Variants in OTC observed in about 807,000 individuals in gnomAD.
OTC encodes the protein ornithine transcarbamylase, mitochondrial.
In OTC, 3 loss-of-function variants were observed where a neutral mutation model predicts 30.3. The observed-to-expected ratio is 0.10, with a 90% CI of 0.05 to 0.26. OTC has a LOEUF of 0.26. OTC is among the 10% of genes least tolerant of loss of function. The probability of loss-of-function intolerance (pLI) is 1.00; values close to 1 mark genes in which losing one functional copy is unlikely to be tolerated. For synonymous variants in OTC, 111 were observed against 99.7 expected (o/e 1.11, Z -0.67); for missense variants, 194 against 260.3 (o/e 0.75, Z 1.75).
At chrX:38,347,381 C>T in the OTC span, among the ~76,000 whole-genome samples, 1 of 111,738 alleles carries the variant, frequency 8.9e-6, no homozygotes, top group Non-Finnish European at 1.9e-5. Context: ...AGGCTACTTC[C>T]TCTCATTGTC....
At position 38,358,766 on chromosome X, in the gene OTC, C is replaced by T. The variant is rs142836372; in HGVS notation, c.77+5993C>T. 4.3e-4 allele frequency among the ~76,000 whole-genome samples: 47 copies of T among 108,930 alleles called. No homozygotes were observed. In the East Asian group the frequency reaches 0.012, roughly 29 times the overall value. 94.6% of individuals were successfully genotyped at this position (108,930 alleles called of 115,157 possible). On this transcript the variant is annotated intron_variant, in intron 1 of 9. Coordinates refer to ENST00000039007, the MANE Select transcript of OTC (RefSeq NM_000531.6). ...CCTCCCGAGTAGCTGGGATTACAGA[C>T]GTCTGCCACCATGCCCAGCTAATTT...
chrX:38,391,916 T>G (rs1465096979), intron 4 of OTC, among the ~76,000 whole-genome samples: 1 of 111,584 alleles, frequency 9.0e-6, no homozygotes, highest in East Asian at 2.8e-4. Flanking sequence ...TAGAATATAC[T>G]AAAGAAGATT....
At chrX:38,385,121 T>C (rs1407623146) in intron 4 of OTC, among the ~76,000 whole-genome samples, 1 of 110,555 alleles carries the variant, frequency 9.0e-6, no homozygotes, top group Non-Finnish European at 1.9e-5. Flanking sequence ...AATACAAAAA[T>C]TAGCTGGGTG....
At chrX:38,383,254 C>G (rs145268744) in intron 4 of OTC, among the ~76,000 whole-genome samples, 283 of 111,754 alleles carry the variant, frequency 2.5e-3, no homozygotes, top group African/African-American at 8.6e-3. Context: ...AATAGCTACT[C>G]CTTAAAGATT....
At chrX:38,378,475 A>G (rs1409750193) in intron 3 of OTC, among the ~76,000 whole-genome samples, 1 of 110,764 alleles carries the variant, frequency 9.0e-6, no homozygotes, top group Non-Finnish European at 1.9e-5. Context: ...ATGTAATGAT[A>G]AAGGGGCCAA....
At chrX:38,374,765 G>T (rs185768355) in intron 3 of OTC, among the ~76,000 whole-genome samples, 1 of 111,935 alleles carries the variant, frequency 8.9e-6, no homozygotes, top group East Asian at 2.8e-4. Context: ...TTCATCCATA[G>T]TCCTCAACCC....
At chrX:38,330,703 GCCT>G in the OTC span, among the ~76,000 whole-genome samples, 1 of 111,829 alleles carries the variant, frequency 8.9e-6, no homozygotes, top group Non-Finnish European at 1.9e-5. Flanking sequence ...GGATGCTCTT[GCCT>G]CCTCCAAAGA....
In OTC at chrX:38,412,010, A is replaced by T. The variant is rs375524303; in HGVS notation, c.1005+11A>T. The T allele has an allele frequency of 6.3e-5, 76 of 1,207,023 alleles. No homozygotes were observed. The highest frequency in any genetic ancestry group is 8.4e-5 in the Non-Finnish European group (75 of 892,462). On this transcript the variant is annotated intron_variant, in intron 9 of 9. Coordinates refer to ENST00000039007, the MANE Select transcript of OTC (RefSeq NM_000531.6). ...AAGTGGACAATCATGGTAAGCAAGA[A>T]ACAAGGAATGGAGGATAAGTTCTTT...
chrX:38,345,218 C>T, the OTC span, among the ~76,000 whole-genome samples: 39 of 111,816 alleles, frequency 3.5e-4, no homozygotes, highest in Non-Finnish European at 5.1e-4. Context: ...CTAACTTAAC[C>T]GAATCCATCT....
intron 4 of OTC, among the ~76,000 whole-genome samples, chrX:38,399,533 G>A (rs898805269): frequency 7.2e-5 from 8 of 110,848 alleles, no homozygotes; most frequent in African/African-American, 2.0e-4. Flanking sequence ...CGGATCACCT[G>A]AGGTCAGGAG....
chrX:38,344,162 A>C, the OTC span, among the ~76,000 whole-genome samples: 160 of 109,984 alleles, frequency 1.5e-3, no homozygotes, highest in Non-Finnish European at 2.1e-3. Context: ...ACAAACAAAC[A>C]AAAAACATAA....
chrX:38,351,015 T>C (rs866856872), upstream of OTC, among the ~76,000 whole-genome samples: 2 of 112,061 alleles, frequency 1.8e-5, no homozygotes, highest in Non-Finnish European at 3.8e-5. Flanking sequence ...TGTTTGCCTC[T>C]TCAAAGATGC....
At chrX:38,417,428 G>A (rs989179176) in intron 9 of OTC, among the ~76,000 whole-genome samples, 17 of 111,217 alleles carry the variant, frequency 1.5e-4, no homozygotes, top group Non-Finnish European at 3.2e-4. Context: ...AAGGTTATGA[G>A]GATTCAATGA....
chrX:38,368,614 T>G (rs762075319), intron 2 of OTC, among the ~76,000 whole-genome samples: 7 of 106,347 alleles, frequency 6.6e-5, no homozygotes, highest in Non-Finnish European at 1.2e-4. Flanking sequence ...GTAGCTTCAT[T>G]TGGACTGCTT....
intron 6 of OTC, among the ~76,000 whole-genome samples, chrX:38,408,172 A>G (rs765594462): frequency 2.7e-5 from 3 of 112,381 alleles, no homozygotes; most frequent in South Asian, 3.7e-4. Context: ...TGTTCTGTCA[A>G]TGCCTTTCAA....
At chrX:38,362,982 C>A (rs1216099466) in intron 1 of OTC, among the ~76,000 whole-genome samples, 1 of 112,143 alleles carries the variant, frequency 8.9e-6, no homozygotes, top group African/African-American at 3.2e-5. Flanking sequence ...TAAATAAAGC[C>A]TGTAGCCTTG....
chrX:38,381,786 A>G (rs779344872), intron 4 of OTC, among the ~76,000 whole-genome samples: 10 of 112,157 alleles, frequency 8.9e-5, no homozygotes, highest in Admixed American at 6.7e-4. Flanking sequence ...CTAGGTAATA[A>G]TATTAATAAC....
intron 1 of OTC, among the ~76,000 whole-genome samples, chrX:38,365,426 G>A (rs1602013734): frequency 1.8e-5 from 2 of 112,644 alleles, no homozygotes; most frequent in South Asian, 7.3e-4. Flanking sequence ...GGCCCAGTAG[G>A]TACTGATTCT....
the OTC span, among the ~76,000 whole-genome samples, chrX:38,336,989 C>A: frequency 4.9e-4 from 55 of 112,011 alleles, no homozygotes; most frequent in African/African-American, 1.8e-3. Context: ...AGTTCTCTAT[C>A]TTTTCTCCCT....
Sources: gnomAD v4.1 joint callset for allele counts (sites outside exome capture counted in the v4.1 genomes callset) on GRCh38, gnomAD v4.1.1 for gene constraint, MANE v1.5 for transcripts, NCBI Gene and HGNC (gene_info 2026-07-23, HGNC 2026-07-21) for gene names.